PCNT: variants seen among roughly 807,000 people sequenced by gnomAD.
PCNT encodes kendrin.
In PCNT, 319 loss-of-function variants were observed where a neutral mutation model predicts 380.4. The observed-to-expected ratio is 0.84, with a 90% CI of 0.77 to 0.92. The LOEUF is 0.92. Ranked by LOEUF, PCNT falls within the 40% of genes least tolerant of loss-of-function variation. PCNT has a pLI of 0.00. For missense variants in PCNT, 4,400 were observed against 4,255.3 expected (o/e 1.03, Z -0.95); for synonymous variants, 1,845 against 1,735.2 (o/e 1.06, Z -1.57).
At chr21:46,397,226 G>A in intron 21 of PCNT, 39 bp from the exon 22 acceptor site, 1 of 1,515,966 alleles carries the variant, frequency 6.6e-7, no homozygotes, top group Non-Finnish European at 9.2e-7. Flanking sequence ...CCTCTGAGGT[G>A]CGGGGGTGTC....
At chr21:46,354,592 A>G (rs937914380) in intron 11 of PCNT, among the ~76,000 whole-genome samples, 1 of 152,334 alleles carries the variant, frequency 6.6e-6, no homozygotes, top group Non-Finnish European at 1.5e-5. Context: ...GATGTGCAGC[A>G]TGAGCAAGCC....
chr21:46,337,334 G>T (rs1231815536), intron 3 of PCNT, among the ~76,000 whole-genome samples: 1 of 152,224 alleles, frequency 6.6e-6, no homozygotes, highest in East Asian at 1.9e-4. Context: ...TTCAGAATTA[G>T]CAACCCACAT....
intron 3 of PCNT, among the ~76,000 whole-genome samples, chr21:46,337,067 G>A (rs946892189): frequency 2.0e-5 from 3 of 151,748 alleles, no homozygotes; most frequent in Non-Finnish European, 2.9e-5. Context: ...GCAGGATCTC[G>A]GCTTGCTGCA....
chr21:46,440,674 G>C (rs2053584384), intron 42 of PCNT, among the ~76,000 whole-genome samples, 181 bp from the exon 43 acceptor site: 1 of 152,190 alleles, frequency 6.6e-6, no homozygotes, highest in Non-Finnish European at 1.5e-5. Context: ...AACACAAATT[G>C]ATCTTCCAAC....
intron 42 of PCNT, 149 bp from the exon 43 acceptor site, chr21:46,440,706 A>AG (rs1233075946): frequency 1.6e-6 from 1 of 635,652 alleles, no homozygotes; most frequent in Non-Finnish European, 2.7e-6. Context: ...TTCTGGCCAC[A>AG]GATACTGTTG....
At chr21:46,441,148 C>T in intron 43 of PCNT, 64 bp downstream of exon 43, 1 of 1,028,122 alleles carries the variant, frequency 9.7e-7, no homozygotes, top group Non-Finnish European at 1.5e-6. Flanking sequence ...CAGCACACTG[C>T]ATGGTTTTTT....
intron 3 of PCNT, among the ~76,000 whole-genome samples, chr21:46,345,685 T>C (rs1044653592): frequency 4.6e-5 from 7 of 152,202 alleles, no homozygotes; most frequent in African/African-American, 1.7e-4. Context: ...CTCCAGTGGC[T>C]CCAGACATCA....
intron 15 of PCNT, among the ~76,000 whole-genome samples, chr21:46,378,154 G>A (rs137928236): frequency 2.0e-5 from 3 of 151,908 alleles, no homozygotes; most frequent in Non-Finnish European, 2.9e-5. Flanking sequence ...TACGGTGGTC[G>A]CCCCTTACCC....
intron 29 of PCNT, among the ~76,000 whole-genome samples, 191 bp downstream of exon 29, chr21:46,413,183 C>G (rs1207052927): frequency 2.1e-5 from 2 of 94,852 alleles, no homozygotes; most frequent in Non-Finnish European, 2.2e-5. Context: ...GTGTGGGGAG[C>G]GGGGAAGGCA....
intron 15 of PCNT, among the ~76,000 whole-genome samples, chr21:46,370,056 C>T (rs1385213281): frequency 1.3e-5 from 2 of 152,172 alleles, no homozygotes; most frequent in Admixed American, 6.5e-5. Flanking sequence ...AGGGGTGCCT[C>T]CCCGGCTTCT....
chr21:46,336,240 G>A (rs934026601), intron 3 of PCNT, among the ~76,000 whole-genome samples: 2 of 152,232 alleles, frequency 1.3e-5, no homozygotes, highest in African/African-American at 4.8e-5. Context: ...GCCTCCCCAA[G>A]TGCTGGGATT....
chr21:46,431,578 G>T lies in PCNT; in HGVS notation c.8114G>T (p.Cys2705Phe). 1.2e-6 allele frequency: 2 copies of T among 1,614,104 alleles called. No homozygotes were observed. The highest frequency in any genetic ancestry group is 1.7e-6 in the Non-Finnish European group (2 of 1,179,976). Residue 2705 changes from cysteine to phenylalanine, a missense_variant, in exon 38 of 47, where the codon TGC becomes TTC. By Grantham distance (205) the Cys-to-Phe change is radical (BLOSUM62 -2). Transcript: ENST00000359568. ...CAGCGTGCTCAGAGCAGTCGACTCT[G>T]CGTGGCACTGAAACACGAGCAGACG... ...ETQRAQSSRL[C>F]VALKHEQTAK...
chr21:46,428,540 C>G lies in PCNT; in HGVS notation c.7640C>G (p.Thr2547Arg), dbSNP rs137872392. 3.4e-5 allele frequency: 55 copies of G among 1,609,952 alleles called. No individual in the cohort carries two copies. The highest frequency in any genetic ancestry group is 3.5e-4 in the Middle Eastern group (2 of 5,640). The part of the protein sequence containing the change: ...EKLQHLRTAL[T>R]SAEARGSQQE... ...CTGCAGCACTTGCGCACGGCGCTGA[C>G]AAGCGCAGAGGCGCGCGGGAGCCAG... The change falls in exon 35 of 47, where the codon ACA becomes AGA. Residue 2547 changes from threonine to arginine, a missense_variant. Transcript: ENST00000359568.
chr21:46,398,769 A>G (rs915877075), intron 24 of PCNT, among the ~76,000 whole-genome samples: 2 of 149,262 alleles, frequency 1.3e-5, no homozygotes, highest in African/African-American at 2.5e-5. Context: ...GTGTAGCCAT[A>G]GTTTGTTCTT....
At chr21:46,380,717 G>T (rs1016315012) in intron 15 of PCNT, among the ~76,000 whole-genome samples, 1 of 152,150 alleles carries the variant, frequency 6.6e-6, no homozygotes, top group African/African-American at 2.4e-5. Context: ...CTCTTCGGAT[G>T]ATTGCAAACC....
chr21:46,428,341 G>A lies in PCNT; in HGVS notation c.7495-54G>A, dbSNP rs1036333336. The A allele has an allele frequency of 6.2e-5, 94 of 1,523,384 alleles. 1 individual carries two copies. The highest frequency in any genetic ancestry group is 4.5e-4 in the African/African-American group (33 of 73,246). The allele number at this position is 1,523,384 out of a possible 1,614,324, so 94.4% of individuals were successfully genotyped here. ...TTGAGGGCGGGCAGCAGGGAAGGCC[G>A]GGGCATGGGGTGGCTGCCCAATGCT... On this transcript the variant is annotated intron_variant, in intron 34 of 46. Coordinates refer to ENST00000359568, the MANE Select transcript of PCNT (RefSeq NM_006031.6).
At chr21:46,423,962 C>G (rs1196292187) in intron 32 of PCNT, among the ~76,000 whole-genome samples, 1 of 152,232 alleles carries the variant, frequency 6.6e-6, no homozygotes, top group South Asian at 2.1e-4. Flanking sequence ...CTGTTTCAAA[C>G]TCAGGGTTTT....
Position 46,372,164 on chromosome 21 carries a change from G to A in PCNT, c.3165+5025G>A, listed in dbSNP as rs7282071. 6.0e-3 allele frequency among the ~76,000 whole-genome samples: 863 copies of A among 144,322 alleles called. 5 individuals carry two copies. The highest frequency in any genetic ancestry group is 0.022 in the East Asian group (106 of 4,736). 94.7% of individuals were successfully genotyped at this position (144,322 alleles called of 152,430 possible). Reference sequence around the variant, plus strand: ...GCACATGTGCCCATACAAGGCACACGCACACACACAGCACATGCACACACA... The same window carrying A: ...GCACATGTGCCCATACAAGGCACACACACACACACAGCACATGCACACACA... On this transcript the variant is annotated intron_variant, in intron 15 of 46. Coordinates refer to ENST00000359568, the MANE Select transcript of PCNT (RefSeq NM_006031.6).
intron 41 of PCNT, among the ~76,000 whole-genome samples, chr21:46,439,722 A>G (rs1206908977): frequency 1.3e-5 from 2 of 152,158 alleles, no homozygotes; most frequent in Non-Finnish European, 1.5e-5. Flanking sequence ...GCTTGTAGTT[A>G]CCAGTGGTTG....
Sources: allele counts gnomAD v4.1 joint callset (sites outside exome capture counted in the v4.1 genomes callset), GRCh38; gene constraint gnomAD v4.1.1; transcripts MANE v1.5; gene names NCBI Gene and HGNC (gene_info 2026-07-23, HGNC 2026-07-21).